Variants in CNBD1 observed in about 807,000 individuals in gnomAD.
CNBD1 encodes the protein cyclic nucleotide binding domain containing 1, also known as cyclic nucleotide-binding domain-containing protein 1.
Under a neutral mutation model 54.4 loss-of-function variants are expected in CNBD1, and 71 were observed. That is an observed-to-expected ratio of 1.30 (90% confidence interval 1.08 to 1.59). The LOEUF (loss-of-function observed/expected upper bound fraction) is 1.59. Among genes scored for constraint, CNBD1 ranks in the 40% most tolerant of loss-of-function variants. The probability of loss-of-function intolerance (pLI) is 0.00; values close to 1 mark genes in which losing one functional copy is unlikely to be tolerated. For missense variants in CNBD1, 659 were observed against 518.0 expected, an observed-to-expected ratio of 1.27 and a Z score of -2.64; for synonymous variants, 182 against 170.7, an observed-to-expected ratio of 1.07 and a Z score of -0.51.
intron 4 of CNBD1, among the ~76,000 whole-genome samples, chr8:86,966,831 C>T (rs561176444): frequency 6.6e-6 from 1 of 152,154 alleles, no homozygotes; most frequent in African/African-American, 2.4e-5. Flanking sequence ...GCTTCCACAG[C>T]ATGGAAGAGG....
intron 4 of CNBD1, among the ~76,000 whole-genome samples, chr8:86,972,839 T>C (rs891175892): frequency 4.6e-5 from 7 of 152,186 alleles, no homozygotes; most frequent in Non-Finnish European, 8.8e-5. Context: ...TGTTATCCTA[T>C]TGCCAAATGC....
chr8:87,007,827 C>T (rs970484785), intron 4 of CNBD1, among the ~76,000 whole-genome samples: 2 of 152,096 alleles, frequency 1.3e-5, no homozygotes, highest in Non-Finnish European at 2.9e-5. Flanking sequence ...ATTAAATTTT[C>T]AAACATCTAG....
At chr8:87,404,069 G>T (rs1807612849) in intron 2 of CNBD1, among the ~76,000 whole-genome samples, 1 of 152,066 alleles carries the variant, frequency 6.6e-6, no homozygotes, top group African/African-American at 2.4e-5. Context: ...ATCCAGCAGA[G>T]AACTATCTGA....
At chr8:87,243,593 T>C (rs572145045) in intron 6 of CNBD1, among the ~76,000 whole-genome samples, 1 of 152,302 alleles carries the variant, frequency 6.6e-6, no homozygotes, top group South Asian at 2.1e-4. Flanking sequence ...CCTAAATCTT[T>C]TACCTCATTT....
intron 8 of CNBD1, among the ~76,000 whole-genome samples, chr8:87,343,053 G>A (rs1367998767): frequency 6.6e-6 from 1 of 152,244 alleles, no homozygotes; most frequent in East Asian, 1.9e-4. Flanking sequence ...CCCCAGGAAT[G>A]CATTCCTTCC....
At chr8:87,409,443 G>A (rs1245372169) in intron 2 of CNBD1, among the ~76,000 whole-genome samples, 1 of 152,172 alleles carries the variant, frequency 6.6e-6, no homozygotes, top group African/African-American at 2.4e-5. Context: ...AAAACTGTAA[G>A]GTGAAGCAGC....
chr8:87,321,353 GTGTTTGTTTGCT>G (rs57359764), intron 8 of CNBD1, among the ~76,000 whole-genome samples: 2 of 152,200 alleles, frequency 1.3e-5, no homozygotes, highest in East Asian at 3.9e-4. Flanking sequence ...TTTCTGGTTT[GTGTTTGTTTGCT>G]TGTTTGTTTG....
chr8:87,032,865 A>G (rs1043039670), intron 4 of CNBD1, among the ~76,000 whole-genome samples: 1 of 152,134 alleles, frequency 6.6e-6, no homozygotes, highest in African/African-American at 2.4e-5. Flanking sequence ...CCTCATTGTC[A>G]CTGATTTGGA....
At chr8:87,157,622 C>T (rs1231943360) in intron 4 of CNBD1, among the ~76,000 whole-genome samples, 1 of 152,134 alleles carries the variant, frequency 6.6e-6, no homozygotes, top group East Asian at 1.9e-4. Context: ...TTCTCCATCC[C>T]CTTTTGAAGT....
intron 6 of CNBD1, among the ~76,000 whole-genome samples, chr8:87,280,951 A>G (rs1031037799): frequency 1.3e-5 from 2 of 150,998 alleles, no homozygotes; most frequent in African/African-American, 2.4e-5. Flanking sequence ...AGGATTATCT[A>G]TGTAGCCTTA....
At chr8:87,281,581 T>G (rs1001405678) in intron 6 of CNBD1, among the ~76,000 whole-genome samples, 1 of 80,222 alleles carries the variant, frequency 1.2e-5, no homozygotes. Flanking sequence ...TATATATATA[T>G]ATATATATAT....
Position 87,370,862 on chromosome 8 carries a change from T to A in CNBD1, c.1304-11758T>A, listed in dbSNP as rs1278354950. 6.0e-5 allele frequency among the ~76,000 whole-genome samples: 9 copies of A among 150,950 alleles called. 1 individual carries two copies. Among genetic ancestry groups the A allele is most frequent in the Admixed American group, 4.6e-4 (7 of 15,142 alleles). ...CTTCTAGGGTTTTTATGGTTTTAGG[T>A]CTAACGTTTAAGTCTTTAGTCCATC... On this transcript the variant is annotated intron_variant, in intron 10 of 10. Coordinates refer to ENST00000518476, the MANE Select transcript of CNBD1 (RefSeq NM_173538.3).
chr8:87,054,858 A>G (rs142319394), intron 4 of CNBD1, among the ~76,000 whole-genome samples: 47 of 152,304 alleles, frequency 3.1e-4, no homozygotes, highest in African/African-American at 1.1e-3. Context: ...AAGGGTGAGC[A>G]GGGTTGATAA....
chr8:87,304,218 A>G (rs1395579581), intron 8 of CNBD1, among the ~76,000 whole-genome samples: 1 of 151,936 alleles, frequency 6.6e-6, no homozygotes, highest in African/African-American at 2.4e-5. Flanking sequence ...TCACAATAGC[A>G]AAGACTTGGA....
chr8:86,897,936 T>C (rs1808872573), intron 2 of CNBD1, among the ~76,000 whole-genome samples: 1 of 152,110 alleles, frequency 6.6e-6, no homozygotes, highest in African/African-American at 2.4e-5. Context: ...AGCATTTTTT[T>C]TGAGATAGAA....
intron 4 of CNBD1, among the ~76,000 whole-genome samples, chr8:87,041,263 G>A (rs1020002512): frequency 4.6e-5 from 7 of 152,126 alleles, no homozygotes; most frequent in African/African-American, 1.4e-4. Context: ...TTCAGAAAAG[G>A]CCTAGGAATG....
intron 4 of CNBD1, among the ~76,000 whole-genome samples, chr8:87,014,886 T>C (rs2130566715): frequency 6.6e-6 from 1 of 152,186 alleles, no homozygotes; most frequent in Non-Finnish European, 1.5e-5. Context: ...AAAATTATTT[T>C]ATACAAAAAA....
chr8:86,908,352 A>G (rs1809048685), intron 3 of CNBD1, among the ~76,000 whole-genome samples: 2 of 152,220 alleles, frequency 1.3e-5, no homozygotes, highest in Admixed American at 1.3e-4. Context: ...TCAAATAGAA[A>G]AGAATCTGTG....
At chr8:86,971,031 A>G (rs188620809) in intron 4 of CNBD1, among the ~76,000 whole-genome samples, 1 of 152,304 alleles carries the variant, frequency 6.6e-6, no homozygotes, top group East Asian at 1.9e-4. Flanking sequence ...TTCAATTATA[A>G]TTATTAATTT....
Sources: allele counts gnomAD v4.1 joint callset (sites outside exome capture counted in the v4.1 genomes callset), GRCh38; gene constraint gnomAD v4.1.1; transcripts MANE v1.5; gene names NCBI Gene and HGNC (gene_info 2026-07-23, HGNC 2026-07-21).